CTNNBIP1: variants seen among roughly 807,000 people sequenced by gnomAD.
The protein encoded by CTNNBIP1 is beta-catenin-interacting protein 1.
Under a neutral mutation model 11.8 loss-of-function variants are expected in CTNNBIP1, and 7 were observed. That is an observed-to-expected ratio of 0.60 (90% CI 0.34 to 1.12). The LOEUF is 1.12. CTNNBIP1 is among the 50% of genes most tolerant of loss of function. CTNNBIP1 has a pLI of 0.03. For missense variants in CTNNBIP1, 101 were observed against 113.4 expected (o/e 0.89, Z 0.50); for synonymous variants, 58 against 43.9 (o/e 1.32, Z -1.26).
At chr1:9,878,828 TCAATCATCC>T (rs1261038401) in intron 2 of CTNNBIP1, among the ~76,000 whole-genome samples, 1 of 152,188 alleles carries the variant, frequency 6.6e-6, no homozygotes, top group Non-Finnish European at 1.5e-5. Flanking sequence ...AAGGCATGTA[TCAATCATCC>T]CAATAAATGG....
intron 5 of CTNNBIP1, among the ~76,000 whole-genome samples, chr1:9,862,192 A>T (rs61785590): frequency 0.12 from 17,894 of 152,162 alleles, 2,881 homozygotes; most frequent in African/African-American, 0.35. Context: ...GGGACAGAGA[A>T]GACCAGGTCT....
chr1:9,852,313 T>C (rs1333976182), intron 5 of CTNNBIP1, among the ~76,000 whole-genome samples: 2 of 152,230 alleles, frequency 1.3e-5, no homozygotes, highest in African/African-American at 4.8e-5. Flanking sequence ...CACCTTCCAC[T>C]TGGCACTAGA....
chr1:9,873,400 C>G (rs1217393821), intron 3 of CTNNBIP1, among the ~76,000 whole-genome samples: 1 of 152,106 alleles, frequency 6.6e-6, no homozygotes, highest in Non-Finnish European at 1.5e-5. Flanking sequence ...AGAAGGACCC[C>G]CAGCCACTCC....
chr1:9,899,032 C>T (rs1166503431), intron 1 of CTNNBIP1, among the ~76,000 whole-genome samples: 1 of 152,088 alleles, frequency 6.6e-6, no homozygotes, highest in Non-Finnish European at 1.5e-5. Flanking sequence ...TGTTTGGTTA[C>T]ATGAGTAAGT....
chr1:9,898,294 G>A (rs1639450946), intron 1 of CTNNBIP1, among the ~76,000 whole-genome samples: 1 of 152,132 alleles, frequency 6.6e-6, no homozygotes, highest in African/African-American at 2.4e-5. Context: ...GGGAGGCCAA[G>A]GTGGGCGCAT....
intron 5 of CTNNBIP1, among the ~76,000 whole-genome samples, chr1:9,858,721 C>G (rs1300901818): frequency 6.6e-6 from 1 of 152,210 alleles, no homozygotes; most frequent in Non-Finnish European, 1.5e-5. Flanking sequence ...CTCATGTCAT[C>G]AGGGACTTTG....
At chr1:9,901,587 G>A (rs1362120446) in intron 1 of CTNNBIP1, among the ~76,000 whole-genome samples, 2 of 152,030 alleles carry the variant, frequency 1.3e-5, no homozygotes, top group African/African-American at 4.8e-5. Context: ...GGTGCTACTC[G>A]GGCCTGAAAA....
At chr1:9,891,154 G>A (rs890054947) in intron 1 of CTNNBIP1, among the ~76,000 whole-genome samples, 25 of 151,842 alleles carry the variant, frequency 1.6e-4, no homozygotes, top group Non-Finnish European at 1.2e-4. Flanking sequence ...TATTTTTGGC[G>A]GGGGTGGGGG....
chr1:9,879,910 TTTTTA>T lies in CTNNBIP1; in HGVS notation c.-109-1926_-109-1922del, dbSNP rs1326350887. 6.6e-5 allele frequency among the ~76,000 whole-genome samples: 10 copies of T among 152,276 alleles called. No individual in the cohort carries two copies. The South Asian group carries it at 1.0e-3, about 16-fold the overall frequency. On this transcript the variant is annotated intron_variant, in intron 2 of 5. Transcript: ENST00000377263. ...ACAGCTGTTCTATTTGTCATTTAAT[TTTTTA>T]TTTTATTTTTTGCTAACCAAACAGC... is the stretch of plus-strand genomic sequence containing the variant.
intron 1 of CTNNBIP1, among the ~76,000 whole-genome samples, chr1:9,893,664 T>C (rs184297704): frequency 6.6e-6 from 1 of 152,368 alleles, no homozygotes; most frequent in East Asian, 1.9e-4. Flanking sequence ...ATTAATTTGA[T>C]GATTAAGATG....
At chr1:9,889,983 TG>T (rs1324539291) in intron 1 of CTNNBIP1, among the ~76,000 whole-genome samples, 1 of 152,188 alleles carries the variant, frequency 6.6e-6, no homozygotes, top group African/African-American at 2.4e-5. Context: ...ATGAAGGAAG[TG>T]CCCCCCAGCC....
intron 5 of CTNNBIP1, among the ~76,000 whole-genome samples, chr1:9,855,479 C>A (rs894957037): frequency 6.6e-6 from 1 of 152,050 alleles, no homozygotes; most frequent in Admixed American, 6.6e-5. Context: ...CAGAAATAAA[C>A]CCTCCAACTT....
intron 2 of CTNNBIP1, among the ~76,000 whole-genome samples, chr1:9,880,600 C>G (rs1166072843): frequency 6.6e-6 from 1 of 152,202 alleles, no homozygotes; most frequent in Non-Finnish European, 1.5e-5. Context: ...CTACCAACAG[C>G]GTGAAAGCGT....
rs1003188653 is a variant in CTNNBIP1, at chr1:9,871,071, C to T, written c.187+116G>A. The T allele has an allele frequency of 1.3e-6, 1 of 762,352 alleles. No individual in the cohort carries two copies. Among genetic ancestry groups the T allele is most frequent in the African/African-American group, 1.8e-5 (1 of 56,996 alleles). The allele number at this position is 762,352 out of a possible 1,614,324, so 47.2% of individuals were successfully genotyped here. Reference sequence around the variant, plus strand: ...AGAGCTGTAGCCCCTCCTAGTCAGCCCTGGGTCTCATGGATCACCCATCAA... The same window carrying T: ...AGAGCTGTAGCCCCTCCTAGTCAGCTCTGGGTCTCATGGATCACCCATCAA... On this transcript the variant is annotated intron_variant, in intron 5 of 5. Transcript: ENST00000377263. The surrounding 1 kb of genome is among the most constrained non-coding windows in gnomAD (Gnocchi z 5.2).
At chr1:9,885,644 T>TAAA (rs528856859) in intron 1 of CTNNBIP1, among the ~76,000 whole-genome samples, 2 of 133,810 alleles carry the variant, frequency 1.5e-5, no homozygotes, top group African/African-American at 2.7e-5. Flanking sequence ...ACCCTGTCTC[T>TAAA]AAAAAAAAAA....
In CTNNBIP1 at chr1:9,850,645, A is replaced by T; in HGVS notation, c.*73T>A. 1.4e-6 allele frequency: 2 copies of T among 1,435,730 alleles called. No homozygotes were observed. Among genetic ancestry groups the T allele is most frequent in the Non-Finnish European group, 2.0e-6 (2 of 1,018,230 alleles). The allele number at this position is 1,435,730 out of a possible 1,614,324, so 88.9% of individuals were successfully genotyped here. ...AGGTGGGGCAAGGGGGGCTGCTGCC[A>T]CTCAGCCGGCCCAGGAGCCACACAG... On this transcript the variant is annotated 3_prime_UTR_variant, in exon 6 of 6. Transcript: ENST00000377263.
intron 1 of CTNNBIP1, among the ~76,000 whole-genome samples, chr1:9,903,497 G>A (rs912407286): frequency 6.6e-6 from 1 of 152,228 alleles, no homozygotes; most frequent in African/African-American, 2.4e-5. Flanking sequence ...TCCCTCTGGG[G>A]ACTGTTGTCT....
chr1:9,850,897 G>A (rs1420731105), intron 5 of CTNNBIP1, 121 bp from the exon 6 acceptor site: 3 of 887,380 alleles, frequency 3.4e-6, no homozygotes, highest in Non-Finnish European at 5.7e-6. Context: ...CACTCTCTGA[G>A]GACAAAGTAC....
rs1384553854 is a variant in CTNNBIP1, at chr1:9,849,529, G to A, written c.*1189C>T. ...TTGGTGTTTAGCTGGAGGTCTCCTG[G>A]GCCTTGTGAGCCAAGCTGGGGCTTT... On this transcript the variant is annotated 3_prime_UTR_variant, in exon 6 of 6. Transcript: ENST00000377263. The A allele has an allele frequency of 6.6e-6, 1 of 152,234 alleles. No homozygotes were observed. Among genetic ancestry groups the A allele is most frequent in the East Asian group, 1.9e-4 (1 of 5,188 alleles). 9.4% of individuals were successfully genotyped at this position (152,234 alleles called of 1,614,324 possible).
Sources: gnomAD v4.1 joint callset for allele counts (sites outside exome capture counted in the v4.1 genomes callset) on GRCh38, gnomAD v4.1.1 for gene constraint, Gnocchi (gnomAD v3.1) non-coding constraint, MANE v1.5 for transcripts, NCBI Gene and HGNC (gene_info 2026-07-23, HGNC 2026-07-21) for gene names.